OSBPL6: variants seen among roughly 807,000 people sequenced by gnomAD.
The protein encoded by OSBPL6 is oxysterol binding protein like 6.
Under a neutral mutation model 125.8 loss-of-function variants are expected in OSBPL6, and 49 were observed. The observed-to-expected ratio is 0.39, with a 90% CI of 0.31 to 0.49. The LOEUF (loss-of-function observed/expected upper bound fraction) is 0.49, where lower values mean the gene tolerates loss of function less well. Among genes scored for constraint, OSBPL6 ranks in the 20% least tolerant of loss-of-function variants. The pLI is 0.88. For missense variants in OSBPL6, 986 were observed against 1,135.4 expected (o/e 0.87, Z 1.89); for synonymous variants, 394 against 391.8 (o/e 1.01, Z -0.07).
At chr2:178,201,376 CTTAT>C (rs1206183730) in intron 1 of OSBPL6, among the ~76,000 whole-genome samples, 1 of 151,872 alleles carries the variant, frequency 6.6e-6, no homozygotes, top group Non-Finnish European at 1.5e-5. Flanking sequence ...GACATATTTT[CTTAT>C]TTATTTATTT....
chr2:178,194,740 G>A (rs1389752084), intron 1 of OSBPL6, 66 bp downstream of exon 1: 2 of 152,320 alleles, frequency 1.3e-5, no homozygotes, highest in Non-Finnish European at 2.9e-5. Context: ...CGCGGCCCGG[G>A]GGCATTGTGC....
In OSBPL6 at chr2:178,349,291, T is replaced by C. The variant is rs1691013175; in HGVS notation, c.1055T>C (p.Ile352Thr). 21 of 1,614,130 alleles carry C rather than the reference T, an allele frequency of 1.3e-5. No individual in the cohort carries two copies. In the Middle Eastern group the frequency reaches 8.3e-4, roughly 63 times the overall value. The change falls in exon 12 of 25, where the codon ATT becomes ACT. Residue 352 changes from isoleucine (I) to threonine (T), a missense_variant. Transcript: ENST00000190611. ...TCCAACCCCAACCTTTGTGCAGATATTGAATTTCAGACTCCCCCTAGCCAC... is the reference window on the plus strand; with the variant it reads ...TCCAACCCCAACCTTTGTGCAGATACTGAATTTCAGACTCCCCCTAGCCAC... ...HSSNPNLCAD[I>T]EFQTPPSHLT... is the part of the protein sequence containing the mutation.
intron 3 of OSBPL6, among the ~76,000 whole-genome samples, chr2:178,311,852 G>A (rs1003389536): frequency 8.5e-5 from 13 of 152,210 alleles, no homozygotes; most frequent in African/African-American, 3.1e-4. Flanking sequence ...GGAATAAGTG[G>A]AATCATGTGA....
At chr2:178,282,866 T>C (rs566831378) in intron 1 of OSBPL6, among the ~76,000 whole-genome samples, 5 of 152,310 alleles carry the variant, frequency 3.3e-5, no homozygotes, top group Non-Finnish European at 5.9e-5. Context: ...TTGGCCAAGC[T>C]GGTCTCGATC....
At chr2:178,320,517 G>T (rs1688145978) in intron 3 of OSBPL6, 2 of 1,081,018 alleles carry the variant, frequency 1.9e-6, no homozygotes, top group African/African-American at 3.2e-5. Flanking sequence ...TAATTAACTG[G>T]TTTACATAAC....
At position 178,369,054 on chromosome 2, in the gene OSBPL6, C is replaced by T. The variant is rs1224617930; in HGVS notation, c.1288-3072C>T. ...TCAAGTGATCCATCTGCCTTGGTCT[C>T]CCAAAGTGCTGAGGTTACAGACATG... On this transcript the variant is annotated intron_variant, in intron 13 of 24. Coordinates refer to ENST00000190611, the MANE Select transcript of OSBPL6 (RefSeq NM_032523.4). Among the ~76,000 whole-genome samples the T allele has an allele frequency of 4.6e-5, 7 of 152,264 alleles. 1 individual carries two copies. Among genetic ancestry groups the T allele is most frequent in the African/African-American group, 1.7e-4 (7 of 41,560 alleles).
chr2:178,308,798 T>C (rs1427558933), intron 3 of OSBPL6, among the ~76,000 whole-genome samples: 1 of 148,448 alleles, frequency 6.7e-6, no homozygotes, highest in Admixed American at 6.9e-5. Flanking sequence ...TTCCTTCTAT[T>C]CCCACTGTCA....
intron 13 of OSBPL6, among the ~76,000 whole-genome samples, chr2:178,365,131 A>G (rs1462447896): frequency 6.6e-6 from 1 of 152,118 alleles, no homozygotes; most frequent in Non-Finnish European, 1.5e-5. Context: ...AGCTGAGATC[A>G]TGCCATTGCA....
intron 15 of OSBPL6, among the ~76,000 whole-genome samples, chr2:178,377,328 G>A (rs903915520): frequency 2.0e-5 from 3 of 152,298 alleles, no homozygotes; most frequent in Admixed American, 6.5e-5. Flanking sequence ...ACCAGATCAC[G>A]CAAGAACTCA....
intron 13 of OSBPL6, among the ~76,000 whole-genome samples, chr2:178,371,070 G>T (rs896509268): frequency 6.6e-6 from 1 of 152,150 alleles, no homozygotes; most frequent in Non-Finnish European, 1.5e-5. Context: ...TGAATGAAGC[G>T]GAATGCCCAT....
At chr2:178,330,739 C>T (rs977433457) in intron 5 of OSBPL6, among the ~76,000 whole-genome samples, 1 of 152,136 alleles carries the variant, frequency 6.6e-6, no homozygotes, top group Non-Finnish European at 1.5e-5. Flanking sequence ...CAGAAAAATT[C>T]CTTGCATCTG....
intron 1 of OSBPL6, among the ~76,000 whole-genome samples, chr2:178,245,020 A>G (rs1284861280): frequency 6.6e-6 from 1 of 152,202 alleles, no homozygotes; most frequent in Non-Finnish European, 1.5e-5. Flanking sequence ...GCTCCGTTTC[A>G]GGGGTAATAA....
intron 1 of OSBPL6, among the ~76,000 whole-genome samples, chr2:178,217,427 G>A (rs576276503): frequency 2.6e-5 from 4 of 152,294 alleles, no homozygotes; most frequent in African/African-American, 4.8e-5. Flanking sequence ...TACATTGTCC[G>A]AGGTGTATAC....
intron 3 of OSBPL6, among the ~76,000 whole-genome samples, chr2:178,323,253 T>G (rs1688400347): frequency 6.6e-6 from 1 of 152,238 alleles, no homozygotes. Context: ...TTTTGAATAC[T>G]TCTAAGTTAG....
intron 21 of OSBPL6, among the ~76,000 whole-genome samples, chr2:178,390,644 G>A (rs921219849): frequency 6.6e-6 from 1 of 152,162 alleles, no homozygotes; most frequent in African/African-American, 2.4e-5. Flanking sequence ...GAGTATGGCT[G>A]GAAGGGCCAC....
At chr2:178,380,707 T>C (rs903828250) in intron 15 of OSBPL6, among the ~76,000 whole-genome samples, 1 of 152,108 alleles carries the variant, frequency 6.6e-6, no homozygotes, top group Non-Finnish European at 1.5e-5. Context: ...TTTATGAAAA[T>C]ATATTTACAA....
intron 4 of OSBPL6, among the ~76,000 whole-genome samples, chr2:178,326,456 G>A (rs1408805435): frequency 3.3e-5 from 5 of 151,958 alleles, no homozygotes; most frequent in African/African-American, 7.3e-5. Context: ...AGTAAACCCA[G>A]GAAAATTGGA....
At chr2:178,237,598 C>A (rs1360388235) in intron 1 of OSBPL6, among the ~76,000 whole-genome samples, 4 of 152,146 alleles carry the variant, frequency 2.6e-5, no homozygotes, top group African/African-American at 9.7e-5. Flanking sequence ...CAAAAATACT[C>A]AGATCTCTCT....
At chr2:178,343,820 T>A (rs1034714488) in intron 11 of OSBPL6, among the ~76,000 whole-genome samples, 25 of 152,050 alleles carry the variant, frequency 1.6e-4, no homozygotes, top group African/African-American at 6.0e-4. Context: ...AGTAAGAAAT[T>A]AAAAAAACAA....
Sources: gnomAD v4.1 joint callset for allele counts (sites outside exome capture counted in the v4.1 genomes callset) on GRCh38, gnomAD v4.1.1 for gene constraint, MANE v1.5 for transcripts, NCBI Gene and HGNC (gene_info 2026-07-23, HGNC 2026-07-21) for gene names.